ABCC4: variants seen among roughly 807,000 people sequenced by gnomAD.
The protein encoded by ABCC4 is ATP-binding cassette sub-family C member 4.
A neutral mutation model predicts 168.5 loss-of-function variants in ABCC4; 102 were observed. That is an observed-to-expected ratio of 0.61 (90% CI 0.52 to 0.71). The LOEUF (loss-of-function observed/expected upper bound fraction) is 0.71. ABCC4 is among the 30% of genes least tolerant of loss of function. The pLI is 0.00. For missense variants in ABCC4, 1,402 were observed against 1,605.8 expected (o/e 0.87, Z 2.17); for synonymous variants, 617 against 590.7 (o/e 1.04, Z -0.65).
chr13:95,268,703 CTTGT>C (rs1305708580), intron 1 of ABCC4, among the ~76,000 whole-genome samples: 1 of 152,124 alleles, frequency 6.6e-6, no homozygotes, highest in Admixed American at 6.5e-5. Flanking sequence ...TTTTCTTAAC[CTTGT>C]TTATGACACA....
rs59178850 is a variant in ABCC4 at position 95,299,267 on chromosome 13, C to CAA, written c.74+1972_74+1973dup. Among the ~76,000 whole-genome samples the CAA allele has an allele frequency of 5.7e-3, 734 of 129,750 alleles. 5 individuals carry two copies. Among genetic ancestry groups the CAA allele is most frequent in the East Asian group, 9.0e-3 (40 of 4,460 alleles). The allele number at this position is 129,750 out of a possible 152,430, so 85.1% of individuals were successfully genotyped here. On this transcript the variant is annotated intron_variant, in intron 1 of 30. Transcript: ENST00000645237. ...GCTTGCACAAAGCAAGATCCTGTCT[C>CAA]AAAAAAAAAAAAAAAAAGTTCCTTG...
intron 8 of ABCC4, among the ~76,000 whole-genome samples, chr13:95,203,927 T>C (rs2038707029): frequency 6.6e-6 from 1 of 152,186 alleles, no homozygotes; most frequent in Admixed American, 6.5e-5. Flanking sequence ...ACCTTGGGTC[T>C]GTATTGGGCC....
At position 95,021,696 on chromosome 13, in the gene ABCC4, A is replaced by T; in HGVS notation, c.3871-14T>A. 1 of 1,534,934 alleles carries T rather than the reference A, an allele frequency of 6.5e-7. No homozygotes were observed. The highest frequency in any genetic ancestry group is 9.0e-7 in the Non-Finnish European group (1 of 1,115,626). ...TTTGAAGTATACCTAGAAAAAAAAA[A>T]GGTAAGCATAAAAAGAATGTTTCAA... On this transcript the variant is annotated splice_polypyrimidine_tract_variant and intron_variant, in intron 30 of 30. Transcript: ENST00000645237.
chr13:95,276,494 G>C (rs2138899704), intron 1 of ABCC4, among the ~76,000 whole-genome samples: 1 of 143,502 alleles, frequency 7.0e-6, no homozygotes, highest in Non-Finnish European at 1.5e-5. Context: ...GCGACAGAGT[G>C]AGACCCTGCC....
At chr13:95,156,054 A>C (rs745315596) in intron 19 of ABCC4, among the ~76,000 whole-genome samples, 1 of 152,214 alleles carries the variant, frequency 6.6e-6, no homozygotes. Flanking sequence ...ATACAAGCAA[A>C]TCATAATGTA....
intron 25 of ABCC4, among the ~76,000 whole-genome samples, chr13:95,063,522 T>C (rs1251426478): frequency 6.6e-6 from 1 of 152,202 alleles, no homozygotes; most frequent in Non-Finnish European, 1.5e-5. Context: ...AAGACAGTAG[T>C]AACCAGTAGC....
chr13:95,021,910 C>T (rs4148549), intron 30 of ABCC4, among the ~76,000 whole-genome samples: 68,618 of 151,954 alleles, frequency 0.45, 16,021 homozygotes, highest in African/African-American at 0.58. Flanking sequence ...ATTTTAGTTC[C>T]GATCACTCTG....
At chr13:95,177,968 G>A (rs747907151) in intron 12 of ABCC4, 29 bp downstream of exon 12, 31 of 1,608,004 alleles carry the variant, frequency 1.9e-5, no homozygotes, top group African/African-American at 6.7e-5. Context: ...AAAAGACACC[G>A]GCATAGTGGC....
chr13:95,058,567 C>CAAAAAAAAAAAAAAAAAAAAA (rs1165324016), intron 26 of ABCC4, among the ~76,000 whole-genome samples: 18 of 62,784 alleles, frequency 2.9e-4, no homozygotes, highest in Admixed American at 4.8e-4. Context: ...GACTCCATCT[C>CAAAAAAAAAAAAAAAAAAAAA]AAAAAAAAAA....
intron 19 of ABCC4, among the ~76,000 whole-genome samples, chr13:95,126,880 A>AAT (rs929566291): frequency 2.7e-5 from 4 of 147,392 alleles, no homozygotes; most frequent in East Asian, 3.9e-4. Flanking sequence ...AAGTACACCA[A>AAT]ATATATATAT....
intron 13 of ABCC4, among the ~76,000 whole-genome samples, chr13:95,173,141 A>G (rs1419246567): frequency 6.6e-6 from 1 of 152,202 alleles, no homozygotes; most frequent in Admixed American, 6.5e-5. Context: ...AAAGTAAACC[A>G]TGAAGAGACA....
chr13:95,200,234 A>G (rs2038584871), intron 8 of ABCC4, among the ~76,000 whole-genome samples: 1 of 152,148 alleles, frequency 6.6e-6, no homozygotes, highest in African/African-American at 2.4e-5. Flanking sequence ...TAAATTCCAA[A>G]CTTAACCCCC....
intron 4 of ABCC4, among the ~76,000 whole-genome samples, chr13:95,211,567 G>A (rs2038957698): frequency 6.6e-6 from 1 of 152,178 alleles, no homozygotes; most frequent in Non-Finnish European, 1.5e-5. Flanking sequence ...GCTGAAGCAG[G>A]TGAAGCTCAT....
chr13:95,192,534 A>C (rs2038287720), intron 9 of ABCC4, among the ~76,000 whole-genome samples: 2 of 152,232 alleles, frequency 1.3e-5, no homozygotes, highest in Admixed American at 1.3e-4. Flanking sequence ...AGTGTGTGGT[A>C]GCTACCTCAG....
intron 30 of ABCC4, among the ~76,000 whole-genome samples, chr13:95,028,192 G>A (rs2031640264): frequency 6.6e-6 from 1 of 152,128 alleles, no homozygotes. Context: ...AGAGAAATAT[G>A]TACAGTGTGA....
At chr13:95,188,397 G>C (rs1378624676) in intron 10 of ABCC4, 56 bp downstream of exon 10, 4 of 1,519,232 alleles carry the variant, frequency 2.6e-6, no homozygotes, top group African/African-American at 1.4e-5. Context: ...TCAAACCCAC[G>C]AAGTTAATAT....
intron 25 of ABCC4, among the ~76,000 whole-genome samples, chr13:95,070,810 C>T (rs2033698175): frequency 6.6e-6 from 1 of 152,114 alleles, no homozygotes; most frequent in African/African-American, 2.4e-5. Flanking sequence ...TGTGATCAAA[C>T]TGTTTCAGAA....
At chr13:95,236,591 C>T (rs58122333) in intron 3 of ABCC4, among the ~76,000 whole-genome samples, 471 of 43,906 alleles carry the variant, frequency 0.011, 11 homozygotes, top group Admixed American at 0.069. Flanking sequence ...CATGTGAACG[C>T]GCGCGTGCGC....
intron 9 of ABCC4, among the ~76,000 whole-genome samples, chr13:95,191,364 G>A (rs535847469): frequency 4.6e-5 from 7 of 152,092 alleles, no homozygotes; most frequent in Non-Finnish European, 7.4e-5. Flanking sequence ...AGACCAAAAC[G>A]ATCATGATCC....
Sources: gnomAD v4.1 joint callset for allele counts (sites outside exome capture counted in the v4.1 genomes callset) on GRCh38, gnomAD v4.1.1 for gene constraint, MANE v1.5 for transcripts, NCBI Gene and HGNC (gene_info 2026-07-23, HGNC 2026-07-21) for gene names.